Variants in CA5A observed in about 807,000 individuals in gnomAD.
CA5A encodes the protein carbonic anhydrase 5A.
Under a neutral mutation model 37.1 loss-of-function variants are expected in CA5A, and 28 were observed. The observed-to-expected ratio is 0.75, with a 90% CI of 0.56 to 1.03. CA5A has a LOEUF of 1.03. Among genes scored for constraint, CA5A ranks in the 50% least tolerant of loss-of-function variants. The pLI is 0.00. For missense variants in CA5A, 444 were observed against 399.9 expected, an observed-to-expected ratio of 1.11 and a Z score of -0.94; for synonymous variants, 171 against 158.4, an observed-to-expected ratio of 1.08 and a Z score of -0.60.
rs2056268048 is a variant in CA5A, at chr16:87,924,084, C to T, written c.340+2664G>A. On this transcript the variant is annotated intron_variant, in intron 2 of 6. Coordinates refer to ENST00000649794, the MANE Select transcript of CA5A (RefSeq NM_001739.2). ...CAACTGAATAAATGAATGCAAAAATCCCTGCTCCCTGGTCCCCGAAGCTGG... is the reference window on the plus strand; with the variant it reads ...CAACTGAATAAATGAATGCAAAAATTCCTGCTCCCTGGTCCCCGAAGCTGG... The T allele has an allele frequency of 3.0e-6, 3 of 985,306 alleles. No individual in the cohort carries two copies. In the Admixed American group the frequency reaches 1.8e-4, roughly 61 times the overall value. The allele number at this position is 985,306 out of a possible 1,614,324, so 61.0% of individuals were successfully genotyped here. A position where few individuals can be genotyped will look rare whatever the true frequency, so the allele number is the denominator to read the frequency against.
chr16:87,936,009 A>G (rs185625455), intron 1 of CA5A, among the ~76,000 whole-genome samples: 187 of 152,000 alleles, frequency 1.2e-3, no homozygotes, highest in African/African-American at 4.4e-3. Context: ...TGTCTCTACT[A>G]AAAATACGAA....
Position 87,893,125 on chromosome 16 carries a change from C to CCTTTCTTTCTTT in CA5A, c.619-1183_619-1172dup, listed in dbSNP as rs555248928. ...GCCTAGAGACATTTCTTTCTTTCTT[C>CCTTTCTTTCTTT]CTTTCTTTCTTTCTTTCTTTCTTTT... On this transcript the variant is annotated intron_variant, in intron 5 of 6. Coordinates refer to ENST00000649794, the MANE Select transcript of CA5A (RefSeq NM_001739.2). 6.3e-4 allele frequency: 331 copies of CCTTTCTTTCTTT among 523,264 alleles called. 3 individuals carry two copies. Among genetic ancestry groups the CCTTTCTTTCTTT allele is most frequent in the African/African-American group, 6.3e-3 (309 of 49,154 alleles). The allele number at this position is 523,264 out of a possible 1,614,324, so 32.4% of individuals were successfully genotyped here.
intron 2 of CA5A, chr16:87,925,625 C>G (rs1190089752): frequency 6.6e-6 from 1 of 152,200 alleles, no homozygotes; most frequent in Non-Finnish European, 1.5e-5. Flanking sequence ...GGCAGCCAGT[C>G]CTGATAAAAA....
chr16:87,923,237 G>T (rs1009563924), intron 2 of CA5A, among the ~76,000 whole-genome samples: 3 of 152,146 alleles, frequency 2.0e-5, no homozygotes, highest in Non-Finnish European at 4.4e-5. Flanking sequence ...CACCCAAGCT[G>T]GAGTGCAGTG....
intron 4 of CA5A, 75 bp from the exon 5 acceptor site, chr16:87,902,049 A>G (rs1212256549): frequency 1.5e-6 from 2 of 1,337,118 alleles, no homozygotes; most frequent in East Asian, 4.6e-5. Flanking sequence ...CTGTAAATAC[A>G]CCACGTTTTA....
At chr16:87,920,123 C>G (rs1371794333) in intron 2 of CA5A, among the ~76,000 whole-genome samples, 1 of 152,174 alleles carries the variant, frequency 6.6e-6, no homozygotes, top group Admixed American at 6.5e-5. Context: ...CGAGGCTGAG[C>G]TGCAGTCTGC....
In CA5A at chr16:87,907,983, T is replaced by A. The variant is rs116490564; in HGVS notation, c.341-3079A>T. ...TGTTTCCGTCTGGACCATCACTGTA[T>A]CAACAGGACTTAGTGCAGGAAGGGG... On this transcript the variant is annotated intron_variant, in intron 2 of 6. Transcript: ENST00000649794. Among the ~76,000 whole-genome samples the A allele has an allele frequency of 4.1e-3, 620 of 152,240 alleles. 6 individuals carry two copies. The highest frequency in any genetic ancestry group is 0.015 in the African/African-American group (603 of 41,532).
intron 2 of CA5A, among the ~76,000 whole-genome samples, chr16:87,915,279 G>A (rs377645063): frequency 4.6e-5 from 7 of 152,186 alleles, no homozygotes; most frequent in Admixed American, 2.0e-4. Flanking sequence ...ATCACTGACT[G>A]CTTTCCTCCA....
chr16:87,894,573 T>TAA (rs55721035), intron 5 of CA5A, among the ~76,000 whole-genome samples: 11 of 144,728 alleles, frequency 7.6e-5, no homozygotes, highest in African/African-American at 1.8e-4. Context: ...TCCAGTTAAT[T>TAA]AAAAAAAAAA....
chr16:87,895,533 G>A (rs1006928054), intron 5 of CA5A, among the ~76,000 whole-genome samples: 5 of 152,140 alleles, frequency 3.3e-5, no homozygotes, highest in Non-Finnish European at 5.9e-5. Context: ...CAACAAGAGT[G>A]AAACTCCATC....
In CA5A at chr16:87,911,363, C is replaced by T. The variant is rs1163895543; in HGVS notation, c.341-6459G>A. Among the ~76,000 whole-genome samples the T allele has an allele frequency of 6.6e-6, 1 of 152,102 alleles. No homozygotes were observed. The highest frequency in any genetic ancestry group is 1.5e-5 in the Non-Finnish European group (1 of 68,014). ...CGGCTCCAGGCTGTGACGTGCTGGCCCCAGAGAATATTGTCTCTGCTATTA... is the reference window on the plus strand; with the variant it reads ...CGGCTCCAGGCTGTGACGTGCTGGCTCCAGAGAATATTGTCTCTGCTATTA... On this transcript the variant is annotated intron_variant, in intron 2 of 6. Transcript: ENST00000649794. This position sits in a 1 kb window ranked among gnomAD's most constrained non-coding sequence, Gnocchi z 4.6.
rs1277735878 is a variant in CA5A at position 87,911,662 on chromosome 16, C to T, written c.341-6758G>A. On this transcript the variant is annotated intron_variant, in intron 2 of 6. Transcript: ENST00000649794. This position sits in a 1 kb window ranked among gnomAD's most constrained non-coding sequence, Gnocchi z 4.6. ...CTCCCCAGGCAGGCAGGGGCCGCAGCCACTGCAAGCCCCTGCCCACAGAAC... is the reference window on the plus strand; with the variant it reads ...CTCCCCAGGCAGGCAGGGGCCGCAGTCACTGCAAGCCCCTGCCCACAGAAC... 1.3e-5 allele frequency among the ~76,000 whole-genome samples: 2 copies of T among 152,146 alleles called. No individual in the cohort carries two copies. Among genetic ancestry groups the T allele is most frequent in the African/African-American group, 2.4e-5 (1 of 41,426 alleles).
chr16:87,925,317 G>C (rs75361200), intron 2 of CA5A, among the ~76,000 whole-genome samples: 2 of 152,158 alleles, frequency 1.3e-5, no homozygotes, highest in African/African-American at 4.8e-5. Flanking sequence ...GAGGTGTCTG[G>C]GCTGTCCGGA....
chr16:87,884,757 G>C (rs2055635699), downstream of CA5A: 1 of 151,832 alleles, frequency 6.6e-6, no homozygotes, highest in Non-Finnish European at 1.5e-5. Context: ...GAAAAACACT[G>C]TACTGATTTT....
downstream of CA5A, chr16:87,886,360 G>C (rs1047219415): frequency 9.9e-5 from 15 of 152,130 alleles, no homozygotes; most frequent in African/African-American, 3.6e-4. Flanking sequence ...TGTTGGTCAG[G>C]CTAGTCTGGA....
intron 5 of CA5A, among the ~76,000 whole-genome samples, chr16:87,892,509 CAAATAA>C (rs2143906892): frequency 1.1e-5 from 1 of 91,038 alleles, no homozygotes; most frequent in East Asian, 3.1e-4. Flanking sequence ...GACTCTGTCT[CAAATAA>C]TAATAATAAT....
intron 1 of CA5A, among the ~76,000 whole-genome samples, chr16:87,934,481 T>C (rs1219737804): frequency 6.6e-6 from 1 of 152,030 alleles, no homozygotes; most frequent in Non-Finnish European, 1.5e-5. Flanking sequence ...GGCAGGAGAA[T>C]TGCTTGAACC....
Position 87,905,964 on chromosome 16 carries a change from C to T in CA5A, c.341-1060G>A, listed in dbSNP as rs537359018. On this transcript the variant is annotated intron_variant, in intron 2 of 6. Transcript: ENST00000649794. ...GCCCCCAGAGTCATGGCTGCCATTCCCACGTCCAGGTAGTGCTGGGAGTCT... is the reference window on the plus strand; with the variant it reads ...GCCCCCAGAGTCATGGCTGCCATTCTCACGTCCAGGTAGTGCTGGGAGTCT... Among the ~76,000 whole-genome samples the T allele has an allele frequency of 1.2e-4, 19 of 152,334 alleles. No homozygotes were observed. In the East Asian group the frequency reaches 3.7e-3, roughly 29 times the overall value.
chr16:87,896,206 C>A (rs1006420574), intron 5 of CA5A, among the ~76,000 whole-genome samples: 1 of 152,244 alleles, frequency 6.6e-6, no homozygotes, highest in African/African-American at 2.4e-5. Flanking sequence ...AGGCCTGGCC[C>A]GTTCCGAGGT....
Sources: gnomAD v4.1 joint callset for allele counts (sites outside exome capture counted in the v4.1 genomes callset) on GRCh38, gnomAD v4.1.1 for gene constraint, Gnocchi (gnomAD v3.1) non-coding constraint, MANE v1.5 for transcripts, NCBI Gene and HGNC (gene_info 2026-07-23, HGNC 2026-07-21) for gene names.